RHBDF1: variants seen among roughly 807,000 people sequenced by gnomAD.
RHBDF1 encodes the protein inactive rhomboid protein 1.
Under a neutral mutation model 98.6 loss-of-function variants are expected in RHBDF1, and 80 were observed. That is an observed-to-expected ratio of 0.81 (90% CI 0.68 to 0.98). The LOEUF is 0.98. RHBDF1 is among the 50% of genes least tolerant of loss of function. The probability of loss-of-function intolerance (pLI) is 0.00; values close to 1 mark genes in which losing one functional copy is unlikely to be tolerated. For missense variants in RHBDF1, 1,116 were observed against 1,198.3 expected (o/e 0.93, Z 1.01); for synonymous variants, 512 against 486.8 (o/e 1.05, Z -0.68).
intron 14 of RHBDF1, 53 bp from the exon 15 acceptor site, chr16:59,547 T>TG: frequency 6.3e-7 from 1 of 1,574,886 alleles, no homozygotes; most frequent in South Asian, 1.1e-5. Flanking sequence ...GGGGGATTGC[T>TG]GGCATCCAGG....
chr16:75,564 A>G (rs1467367630), upstream of RHBDF1, among the ~76,000 whole-genome samples: 2 of 152,088 alleles, frequency 1.3e-5, no homozygotes, highest in African/African-American at 2.4e-5. Context: ...GTCATAGGCT[A>G]TTTCTGAGGC....
In RHBDF1 at chr16:62,600, C is replaced by T. The variant is rs760244053; in HGVS notation, c.891G>A (p.Glu297=). ...AALKDWEKAP[E]QADLTGGALD... ...GGGCCCCGCCGGTGAGGTCCGCCTGCTCCGGTGCCTTCTCCCAGTCCTTTA... is the reference window on the plus strand; with the variant it reads ...GGGCCCCGCCGGTGAGGTCCGCCTGTTCCGGTGCCTTCTCCCAGTCCTTTA... Residue 297 remains glutamate (E), a synonymous_variant, in exon 7 of 18, where the codon GAG becomes GAA. Coordinates refer to ENST00000262316, the MANE Select transcript of RHBDF1 (RefSeq NM_022450.5). 1.2e-6 allele frequency: 2 copies of T among 1,613,802 alleles called. No homozygotes were observed. The highest frequency in any genetic ancestry group is 1.1e-5 in the South Asian group (1 of 91,086).
upstream of RHBDF1, chr16:74,077 G>C: frequency 5.6e-6 from 2 of 358,466 alleles, no homozygotes; most frequent in Non-Finnish European, 7.8e-6. Flanking sequence ...AGGGGGTGGA[G>C]GGTAACTCCA....
At position 61,635 on chromosome 16, in the gene RHBDF1, T is replaced by A; in HGVS notation, c.1270A>T (p.Ile424Phe). ...AAGCCCACGGGCGCGATGCCATAGATGCACACGGCTAGGATGGTGACGAGC... is the reference window on the plus strand; with the variant it reads ...AAGCCCACGGGCGCGATGCCATAGAAGCACACGGCTAGGATGGTGACGAGC... Reference protein sequence around the residue: ...HSLVTILAVCIYGIAPVGFSQ... With the variant: ...HSLVTILAVCFYGIAPVGFSQ... Residue 424 changes from isoleucine to phenylalanine, a missense_variant, in exon 9 of 18, where the codon ATC (isoleucine) becomes TTC (phenylalanine). Physicochemically the swap from Ile to Phe is conservative, Grantham distance 21 (BLOSUM62 0). Coordinates refer to ENST00000262316, the MANE Select transcript of RHBDF1 (RefSeq NM_022450.5). 1 of 1,613,416 alleles carries A rather than the reference T, an allele frequency of 6.2e-7. No homozygotes were observed. The highest frequency in any genetic ancestry group is 8.5e-7 in the Non-Finnish European group (1 of 1,179,890).
chr16:58,895 C>T, intron 17 of RHBDF1, 79 bp downstream of exon 17: 1 of 1,575,602 alleles, frequency 6.3e-7, no homozygotes, highest in Non-Finnish European at 8.7e-7. Context: ...TGCTCCCAGA[C>T]TCAGTGCTCG....
intron 10 of RHBDF1, 24 bp downstream of exon 10, chr16:61,346 TCCCGCCCCCGCCGGC>T (rs767311050): frequency 2.3e-5 from 36 of 1,544,694 alleles, no homozygotes; most frequent in African/African-American, 8.2e-5. Flanking sequence ...CACCTCCAGG[TCCCGCCCCCGCCGGC>T]CCCGCCCCCA....
Position 60,552 on chromosome 16 carries a change from G to A in RHBDF1, c.1558-13C>T. 1 of 1,600,680 alleles carries A rather than the reference G, an allele frequency of 6.2e-7. No individual in the cohort carries two copies. The highest frequency in any genetic ancestry group is 1.7e-5 in the Admixed American group (1 of 59,982). ...CTGCCAGCGTGGACTGTGGGAGGGG[G>A]ACACAGGGTCAGGTCCAGTTGGGTC... is the stretch of plus-strand genomic sequence containing the variant. On this transcript the variant is annotated splice_polypyrimidine_tract_variant and intron_variant, in intron 11 of 17. Transcript: ENST00000262316.
intron 14 of RHBDF1, 86 bp downstream of exon 14, chr16:59,646 T>G: frequency 6.5e-7 from 1 of 1,532,656 alleles, no homozygotes; most frequent in Non-Finnish European, 8.9e-7. Context: ...ACTGGCTTAT[T>G]TCAGGATTTG....
Position 58,981 on chromosome 16 carries a change from CG to C in RHBDF1, c.2140del (p.Arg714GlufsTer213). Reference protein sequence around the residue: ...NLASAIFLPYRAEVGPAGSQF... With the variant: ...NLASAIFLPYXAEVGPAGSQF... ...CCTGAGGGCCAGCCTTACCTCTGCTCGGTATGGCAGGAAGATGGCACTGGCC... is the reference window on the plus strand; with the variant it reads ...CCTGAGGGCCAGCCTTACCTCTGCTCGTATGGCAGGAAGATGGCACTGGCC... On this transcript the variant is annotated frameshift_variant, in exon 17 of 18. Coordinates refer to ENST00000262316, the MANE Select transcript of RHBDF1 (RefSeq NM_022450.5). LOFTEE classifies it high-confidence loss of function. 1 of 1,613,238 alleles carries C rather than the reference CG, an allele frequency of 6.2e-7. No homozygotes were observed. The highest frequency in any genetic ancestry group is 8.5e-7 in the Non-Finnish European group (1 of 1,179,960).
intron 3 of RHBDF1, chr16:64,169 G>T: frequency 1.9e-6 from 2 of 1,026,556 alleles, no homozygotes; most frequent in Non-Finnish European, 2.7e-6. Context: ...GTGCTTACGG[G>T]CCCAGGCAGG....
chr16:64,976 G>C lies in RHBDF1; in HGVS notation c.40C>G (p.Arg14Gly), dbSNP rs369963935. The change falls in exon 2 of 18, where the codon CGC becomes GGC. Residue 14 changes from arginine to glycine, a missense_variant. Physicochemically the swap from Arg to Gly is moderately radical, Grantham distance 125 (BLOSUM62 -2). Coordinates refer to ENST00000262316, the MANE Select transcript of RHBDF1 (RefSeq NM_022450.5). ...ARRDSTSSLQ[R>G]KKPPWLKLDI... ...AGCTTTAGCCAGGGTGGCTTCTTGC[G>C]CTGCAGGCTGCTCGTGCTGTCCCTG... 1.3e-6 allele frequency: 2 copies of C among 1,554,216 alleles called. No homozygotes were observed. The highest frequency in any genetic ancestry group is 2.4e-5 in the South Asian group (2 of 82,024).
rs1209917685 is a variant in RHBDF1, at chr16:62,035, C to T, written c.971G>A (p.Trp324Ter). The change falls in exon 8 of 18, where the codon TGG becomes TAG. Residue 324 changes from tryptophan (W) to a stop codon, truncating the protein, a stop_gained. Transcript: ENST00000262316. LOFTEE classifies it high-confidence loss of function. ...SHLMLPLERGWRKQKEGAAAP... is the reference protein window; with the variant it reads ...SHLMLPLERG Reference sequence around the variant, plus strand: ...TGCGGCGCCCTCCTTCTGCTTCCGCCAGCCTCGCTCCAAGGGCCTGGAGGG... The same window carrying T: ...TGCGGCGCCCTCCTTCTGCTTCCGCTAGCCTCGCTCCAAGGGCCTGGAGGG... The T allele has an allele frequency of 2.0e-6, 3 of 1,500,874 alleles. No homozygotes were observed. Among genetic ancestry groups the T allele is most frequent in the Non-Finnish European group, 8.9e-7 (1 of 1,129,066 alleles). The allele number at this position is 1,500,874 out of a possible 1,614,324, so 93.0% of individuals were successfully genotyped here. A position where few individuals can be genotyped will look rare whatever the true frequency, so the allele number is the denominator to read the frequency against.
intron 1 of RHBDF1, among the ~76,000 whole-genome samples, chr16:65,857 C>A (rs572954563): frequency 6.6e-6 from 1 of 152,252 alleles, no homozygotes; most frequent in Non-Finnish European, 1.5e-5. Context: ...CCAGGTGACG[C>A]CACGCGCCCA....
At position 63,025 on chromosome 16, in the gene RHBDF1, TTGCGCCGCCGCGGGAGCCG is replaced by T; in HGVS notation, c.601_619del (p.Arg201SerfsTer8). 1 of 1,612,252 alleles carries T rather than the reference TTGCGCCGCCGCGGGAGCCG, an allele frequency of 6.2e-7. No individual in the cohort carries two copies. Among genetic ancestry groups the T allele is most frequent in the East Asian group, 2.2e-5 (1 of 44,856 alleles). ...GCTCATCTTGGCCACCGACTCTCGC[TTGCGCCGCCGCGGGAGCCG>T]GTGGAAACCTGAGCGGGAGCTGGAG... On this transcript the variant is annotated frameshift_variant, in exon 5 of 18. Coordinates refer to ENST00000262316, the MANE Select transcript of RHBDF1 (RefSeq NM_022450.5). LOFTEE classifies it high-confidence loss of function.
In RHBDF1 at chr16:61,710, C is replaced by A. The variant is rs1897632350; in HGVS notation, c.1209-14G>T. 1 of 1,612,852 alleles carries A rather than the reference C, an allele frequency of 6.2e-7. No individual in the cohort carries two copies. Among genetic ancestry groups the A allele is most frequent in the African/African-American group, 1.3e-5 (1 of 74,900 alleles). On this transcript the variant is annotated splice_polypyrimidine_tract_variant and intron_variant, in intron 8 of 17. Transcript: ENST00000262316. ...GTGAAGAAGGGCCTGCGGGGTGGAG[C>A]GTCAGCGGGGGCCTCATCCCCGACC... is the stretch of plus-strand genomic sequence containing the variant.
At chr16:62,211 G>T in intron 7 of RHBDF1, 159 bp from the exon 8 acceptor site, 1 of 1,048,272 alleles carries the variant, frequency 9.5e-7, no homozygotes. Context: ...AACACTGCGG[G>T]CCTCCGGGGA....
rs747130182 is a variant in RHBDF1 at position 58,589 on chromosome 16, G to A, written c.2319C>T (p.Ile773=). ...LLPWIDNFAH[I]SGFISGLFLS... is the part of the protein sequence containing the mutation. ...GGAAGAGGCCACTGATGAACCCTGA[G>A]ATGTGGGCAAAGTTGTCAATCCACG... The change falls in exon 18 of 18, where the codon ATC becomes ATT. Residue 773 remains isoleucine, a synonymous_variant. Coordinates refer to ENST00000262316, the MANE Select transcript of RHBDF1 (RefSeq NM_022450.5). The A allele has an allele frequency of 6.2e-7, 1 of 1,613,826 alleles. No homozygotes were observed. The highest frequency in any genetic ancestry group is 1.1e-5 in the South Asian group (1 of 91,084).
chr16:75,878 C>A (rs1300513924), upstream of RHBDF1, among the ~76,000 whole-genome samples: 1 of 152,174 alleles, frequency 6.6e-6, no homozygotes, highest in East Asian at 1.9e-4. Context: ...GTCAGCACCC[C>A]CCTCCATCAG....
intron 12 of RHBDF1, 31 bp from the exon 13 acceptor site, chr16:60,310 C>T (rs1224631230): frequency 5.0e-6 from 8 of 1,613,470 alleles, no homozygotes; most frequent in Non-Finnish European, 6.8e-6. Flanking sequence ...GTCAGACCGG[C>T]TTCGAGCCCC....
Sources: allele counts gnomAD v4.1 joint callset (sites outside exome capture counted in the v4.1 genomes callset), GRCh38; gene constraint gnomAD v4.1.1; transcripts MANE v1.5; gene names NCBI Gene and HGNC (gene_info 2026-07-23, HGNC 2026-07-21).